Variants in NELL1 observed in about 807,000 individuals in gnomAD.
NELL1 encodes neural EGFL like 1.
In NELL1, 76 loss-of-function variants were observed where a neutral mutation model predicts 107.4. The observed-to-expected ratio is 0.71, with a 90% confidence interval of 0.59 to 0.86. The LOEUF (loss-of-function observed/expected upper bound fraction) is 0.86. Among genes scored for constraint, NELL1 ranks in the 40% least tolerant of loss-of-function variants. NELL1 has a pLI of 0.00. For missense variants in NELL1, 1,024 were observed against 1,005.5 expected (o/e 1.02, Z -0.25); for synonymous variants, 353 against 341.2 (o/e 1.03, Z -0.38).
intron 12 of NELL1, among the ~76,000 whole-genome samples, chr11:21,034,233 C>T (rs1010705980): frequency 4.6e-5 from 7 of 152,094 alleles, no homozygotes; most frequent in African/African-American, 1.4e-4. Flanking sequence ...CCCATGGCTT[C>T]CCAGTTATCC....
intron 12 of NELL1, among the ~76,000 whole-genome samples, chr11:20,966,874 T>C (rs1851397446): frequency 6.6e-6 from 1 of 151,072 alleles, no homozygotes. Context: ...GATTTTCTTC[T>C]TGAAAGTATA....
chr11:21,429,463 C>A (rs1419766402), intron 15 of NELL1, among the ~76,000 whole-genome samples: 1 of 152,128 alleles, frequency 6.6e-6, no homozygotes, highest in African/African-American at 2.4e-5. Flanking sequence ...GGAAGATATT[C>A]TATTATAGAC....
intron 12 of NELL1, 40 bp downstream of exon 12, chr11:20,960,600 A>G (rs1162324991): frequency 6.2e-7 from 1 of 1,611,160 alleles, no homozygotes; most frequent in Non-Finnish European, 8.5e-7. Flanking sequence ...TGAGAGGTTG[A>G]CTGAGAAGTG....
intron 13 of NELL1, among the ~76,000 whole-genome samples, chr11:21,153,926 A>G (rs1856175224): frequency 6.6e-6 from 1 of 152,150 alleles, no homozygotes; most frequent in South Asian, 2.1e-4. Context: ...ACCCCTGGAG[A>G]CAGCCATTGA....
intron 15 of NELL1, among the ~76,000 whole-genome samples, chr11:21,400,416 T>A (rs1194447431): frequency 4.6e-5 from 7 of 151,904 alleles, no homozygotes; most frequent in African/African-American, 1.7e-4. Flanking sequence ...TTAGAGCCAA[T>A]TAGGAAACGC....
At chr11:21,452,746 A>G (rs10766809) in intron 15 of NELL1, among the ~76,000 whole-genome samples, 134,548 of 151,834 alleles carry the variant, frequency 0.89, 59,657 homozygotes, top group East Asian at 0.98. Flanking sequence ...TCCTTAAGGT[A>G]GTAGCTTAGA....
At chr11:21,007,617 C>A (rs1309345676) in intron 12 of NELL1, among the ~76,000 whole-genome samples, 1 of 151,898 alleles carries the variant, frequency 6.6e-6, no homozygotes, top group South Asian at 2.1e-4. Flanking sequence ...AGAAACAAGG[C>A]AGCCAGATTC....
chr11:21,024,927 GA>G (rs1852780740), intron 12 of NELL1, among the ~76,000 whole-genome samples: 1 of 152,038 alleles, frequency 6.6e-6, no homozygotes, highest in African/African-American at 2.4e-5. Flanking sequence ...GCTACAAACT[GA>G]AAGTGTTTCT....
At chr11:20,691,543 G>C (rs1003014873) in intron 2 of NELL1, among the ~76,000 whole-genome samples, 2 of 151,992 alleles carry the variant, frequency 1.3e-5, no homozygotes, top group South Asian at 4.2e-4. Context: ...TGAGATAATC[G>C]TGTGGTTTTT....
At chr11:21,259,070 G>A (rs550225026) in intron 14 of NELL1, among the ~76,000 whole-genome samples, 2 of 151,952 alleles carry the variant, frequency 1.3e-5, no homozygotes, top group South Asian at 2.1e-4. Flanking sequence ...GACAAAGAAT[G>A]CTTTATATTG....
At chr11:21,465,390 G>T (rs2133877974) in intron 15 of NELL1, among the ~76,000 whole-genome samples, 1 of 152,168 alleles carries the variant, frequency 6.6e-6, no homozygotes, top group South Asian at 2.1e-4. Flanking sequence ...TCAGCTCTGG[G>T]CTCTTTTTAC....
chr11:21,193,752 G>C (rs1459955093), intron 13 of NELL1, among the ~76,000 whole-genome samples: 2 of 151,766 alleles, frequency 1.3e-5, no homozygotes, highest in Non-Finnish European at 2.9e-5. Context: ...TGAGTGACAG[G>C]GATAAAAAGA....
intron 5 of NELL1, among the ~76,000 whole-genome samples, chr11:20,902,899 A>G (rs1849909523): frequency 6.6e-6 from 1 of 152,080 alleles, no homozygotes; most frequent in African/African-American, 2.4e-5. Flanking sequence ...AGATAATTCC[A>G]TATACAGCTT....
chr11:21,549,099 A>G (rs1331903336), intron 16 of NELL1, among the ~76,000 whole-genome samples: 1 of 151,858 alleles, frequency 6.6e-6, no homozygotes, highest in Non-Finnish European at 1.5e-5. Context: ...TGAATATCCA[A>G]GATTCCAAGT....
At chr11:21,275,824 G>A (rs1364705641) in intron 14 of NELL1, among the ~76,000 whole-genome samples, 1 of 152,200 alleles carries the variant, frequency 6.6e-6, no homozygotes, top group Non-Finnish European at 1.5e-5. Context: ...AGTAGATGCA[G>A]AAAAGGCCTT....
At chr11:20,827,080 G>A (rs867549724) in intron 3 of NELL1, among the ~76,000 whole-genome samples, 1 of 151,158 alleles carries the variant, frequency 6.6e-6, no homozygotes, top group Non-Finnish European at 1.5e-5. Flanking sequence ...ATAGGAGTGC[G>A]GAAAGAACCA....
At chr11:21,347,844 G>C (rs1181346142) in intron 14 of NELL1, among the ~76,000 whole-genome samples, 3 of 152,164 alleles carry the variant, frequency 2.0e-5, no homozygotes, top group Non-Finnish European at 2.9e-5. Flanking sequence ...GTAACCACCG[G>C]TGCCTTATAT....
chr11:21,103,878 A>G (rs1854883504), intron 12 of NELL1, among the ~76,000 whole-genome samples: 2 of 152,112 alleles, frequency 1.3e-5, no homozygotes, highest in Admixed American at 1.3e-4. Context: ...CTCTTGTAGA[A>G]ATTTTATTGT....
intron 5 of NELL1, among the ~76,000 whole-genome samples, chr11:20,886,257 T>A (rs1849506191): frequency 1.3e-5 from 2 of 152,038 alleles, no homozygotes; most frequent in Admixed American, 1.3e-4. Context: ...TCCAAAATTT[T>A]TTTTAAAAAA....
Sources: allele counts gnomAD v4.1 joint callset (sites outside exome capture counted in the v4.1 genomes callset), GRCh38; gene constraint gnomAD v4.1.1; transcripts MANE v1.5; gene names NCBI Gene and HGNC (gene_info 2026-07-23, HGNC 2026-07-21).